FCHO2: variants seen among roughly 807,000 people sequenced by gnomAD.
FCHO2 encodes F-BAR domain only protein 2.
FCHO2 carries 43 observed loss-of-function variants against 114.1 expected under a neutral mutation model. The observed-to-expected ratio is 0.38, with a 90% CI of 0.30 to 0.49. The LOEUF (loss-of-function observed/expected upper bound fraction) is 0.49, where lower values mean the gene tolerates loss of function less well. FCHO2 is among the 20% of genes least tolerant of loss of function. FCHO2 has a pLI of 0.97. For synonymous variants in FCHO2, 293 were observed against 315.2 expected (o/e 0.93, Z 0.75); for missense variants, 807 against 950.4 (o/e 0.85, Z 1.98).
chr5:72,980,323 A>G (rs961772719), intron 2 of FCHO2, among the ~76,000 whole-genome samples: 1 of 152,044 alleles, frequency 6.6e-6, no homozygotes, highest in Admixed American at 6.6e-5. Context: ...GTTTGTTATG[A>G]TTTCCGTTCT....
intron 8 of FCHO2, among the ~76,000 whole-genome samples, chr5:73,033,811 A>G (rs1040390606): frequency 6.6e-6 from 1 of 152,172 alleles, no homozygotes; most frequent in Non-Finnish European, 1.5e-5. Flanking sequence ...AAATAATTTG[A>G]TATTTCACAT....
At chr5:73,036,093 ACGT>A (rs1756489955) in intron 9 of FCHO2, among the ~76,000 whole-genome samples, 1 of 152,018 alleles carries the variant, frequency 6.6e-6, no homozygotes, top group African/African-American at 2.4e-5. Context: ...TGATCCGCCC[ACGT>A]CGGCCTTCCA....
intron 15 of FCHO2, chr5:73,055,003 A>T: frequency 3.6e-6 from 1 of 276,310 alleles, no homozygotes; most frequent in Non-Finnish European, 7.6e-6. Context: ...TGCATTAAAA[A>T]TAACAAGGGT....
chr5:73,080,472 A>G (rs748677616), intron 22 of FCHO2, among the ~76,000 whole-genome samples: 4 of 152,210 alleles, frequency 2.6e-5, no homozygotes, highest in Non-Finnish European at 5.9e-5. Context: ...AGCATTGTTT[A>G]GAAAGCACCT....
At chr5:73,079,843 A>G (rs2112892241) in intron 22 of FCHO2, among the ~76,000 whole-genome samples, 2 of 152,328 alleles carry the variant, frequency 1.3e-5, no homozygotes, top group East Asian at 3.9e-4. Flanking sequence ...GTATATACAC[A>G]GGGGTCCTGG....
intron 24 of FCHO2, among the ~76,000 whole-genome samples, chr5:73,086,931 AC>A (rs1369631037): frequency 6.6e-6 from 1 of 151,916 alleles, no homozygotes; most frequent in African/African-American, 2.4e-5. Flanking sequence ...CATCCCCACC[AC>A]CATTTATAAT....
intron 3 of FCHO2, 24 bp from the exon 4 acceptor site, chr5:72,990,453 AT>A: frequency 6.8e-7 from 1 of 1,471,950 alleles, no homozygotes; most frequent in South Asian, 1.4e-5. Context: ...TTAATAAGTT[AT>A]TCCCATATTT....
intron 2 of FCHO2, among the ~76,000 whole-genome samples, chr5:72,973,784 A>G (rs1264707015): frequency 6.6e-6 from 1 of 150,936 alleles, no homozygotes; most frequent in Non-Finnish European, 1.5e-5. Context: ...AGTTCTTTTA[A>G]TTGTGATGTT....
chr5:72,972,795 T>G (rs1403267874), intron 2 of FCHO2, among the ~76,000 whole-genome samples: 4 of 152,090 alleles, frequency 2.6e-5, no homozygotes, highest in African/African-American at 7.2e-5. Context: ...TCAAAGGGAA[T>G]GCTTCCAGTT....
At chr5:73,083,892 CAAAA>C (rs765390330) in intron 24 of FCHO2, among the ~76,000 whole-genome samples, 6 of 79,286 alleles carry the variant, frequency 7.6e-5, no homozygotes, top group Non-Finnish European at 1.0e-4. Flanking sequence ...GACTCTGTCT[CAAAA>C]AAAAAAAAAA....
intron 2 of FCHO2, among the ~76,000 whole-genome samples, chr5:72,978,778 AT>A (rs1753019591): frequency 6.6e-6 from 1 of 152,110 alleles, no homozygotes; most frequent in Non-Finnish European, 1.5e-5. Context: ...TTTGAGATAC[AT>A]TCCACCAATA....
chr5:72,963,550 A>AT (rs1015050398), intron 1 of FCHO2, among the ~76,000 whole-genome samples: 79 of 147,674 alleles, frequency 5.3e-4, no homozygotes, highest in Middle Eastern at 3.4e-3. Flanking sequence ...TAGGCTGTAA[A>AT]TTTTTTTTTT....
chr5:73,003,994 G>A (rs1360513991), intron 5 of FCHO2, among the ~76,000 whole-genome samples: 2 of 137,468 alleles, frequency 1.5e-5, no homozygotes, highest in African/African-American at 5.5e-5. Context: ...GTTGCAGTGA[G>A]CCAAGATTGC....
At chr5:72,991,175 CT>C (rs1287374257) in intron 5 of FCHO2, among the ~76,000 whole-genome samples, 2 of 152,164 alleles carry the variant, frequency 1.3e-5, no homozygotes, top group African/African-American at 4.8e-5. Flanking sequence ...AGTGATTCTC[CT>C]GCCTCAGCCT....
chr5:72,969,018 G>A (rs1752362235), intron 2 of FCHO2, among the ~76,000 whole-genome samples: 1 of 151,974 alleles, frequency 6.6e-6, no homozygotes, highest in Non-Finnish European at 1.5e-5. Context: ...TTAAAATCTT[G>A]CAAATTTATA....
chr5:72,989,439 G>A lies in FCHO2; in HGVS notation c.138G>A (p.Glu46=). 1 of 1,606,110 alleles carries A rather than the reference G, an allele frequency of 6.2e-7. No individual in the cohort carries two copies. The highest frequency in any genetic ancestry group is 8.5e-7 in the Non-Finnish European group (1 of 1,175,934). ...ADFVRERATI[E]EAYSRSMTKL... is the part of the protein sequence containing the mutation. ...TTTGATTTAACAGAGCTACCATAGA[G>A]GAGGCATACTCCAGGTCAATGACAA... Residue 46 remains glutamate, a synonymous_variant, in exon 3 of 26, where the codon GAG becomes GAA. Transcript: ENST00000430046.
intron 2 of FCHO2, among the ~76,000 whole-genome samples, chr5:72,979,496 A>G (rs562270115): frequency 2.3e-5 from 3 of 128,568 alleles, no homozygotes; most frequent in East Asian, 4.8e-4. Flanking sequence ...GGTTCACGCC[A>G]TTCTCCTGCC....
chr5:73,006,604 G>A, intron 6 of FCHO2, 55 bp downstream of exon 6: 1 of 1,200,900 alleles, frequency 8.3e-7, no homozygotes, highest in Non-Finnish European at 1.1e-6. Context: ...TGTGTATATT[G>A]ATTAATTTTT....
intron 8 of FCHO2, among the ~76,000 whole-genome samples, chr5:73,030,134 TG>T (rs1397394474): frequency 1.3e-5 from 2 of 150,898 alleles, no homozygotes; most frequent in African/African-American, 4.9e-5. Context: ...CTCCGCCTCC[TG>T]GGTTCAAGTG....
Sources: gnomAD v4.1 joint callset for allele counts (sites outside exome capture counted in the v4.1 genomes callset) on GRCh38, gnomAD v4.1.1 for gene constraint, MANE v1.5 for transcripts, NCBI Gene and HGNC (gene_info 2026-07-23, HGNC 2026-07-21) for gene names.